The following PTCHD4 variants were observed in gnomAD, a reference collection of about 807,000 sequenced individuals.
The protein encoded by PTCHD4 is patched domain containing 4, also known as patched domain-containing protein 4.
PTCHD4 carries 33 observed loss-of-function variants against 58.1 expected under a neutral mutation model. The ratio of observed to expected loss-of-function variants is 0.57; its 90% CI spans 0.43 to 0.76. The LOEUF (loss-of-function observed/expected upper bound fraction) is 0.76. Among genes scored for constraint, PTCHD4 ranks in the 30% least tolerant of loss-of-function variants. The pLI is 0.00. For synonymous variants in PTCHD4, 478 were observed against 409.6 expected (o/e 1.17, Z -2.02); for missense variants, 1,058 against 1,027.1 (o/e 1.03, Z -0.41).
chr6:47,923,839 A>G (rs1449047065), intron 4 of PTCHD4, among the ~76,000 whole-genome samples: 6 of 152,174 alleles, frequency 3.9e-5, no homozygotes, highest in Non-Finnish European at 7.4e-5. Flanking sequence ...CAGGTGAATG[A>G]CGAATGTCAC....
intron 4 of PTCHD4, among the ~76,000 whole-genome samples, chr6:47,961,232 A>T (rs1402012774): frequency 6.6e-6 from 1 of 152,132 alleles, no homozygotes; most frequent in Non-Finnish European, 1.5e-5. Context: ...GTACTTTTAA[A>T]TAATATACTT....
intron 4 of PTCHD4, among the ~76,000 whole-genome samples, chr6:47,894,713 T>G (rs1176774080): frequency 1.3e-5 from 2 of 152,240 alleles, no homozygotes; most frequent in Non-Finnish European, 2.9e-5. Flanking sequence ...AGAAATGAAG[T>G]CAATCATGAT....
At chr6:47,994,256 G>GA (rs1421652223) in intron 4 of PTCHD4, among the ~76,000 whole-genome samples, 1 of 152,162 alleles carries the variant, frequency 6.6e-6, no homozygotes, top group Non-Finnish European at 1.5e-5. Flanking sequence ...AATGGAGAGG[G>GA]AAAACAGAGT....
chr6:48,012,964 A>C (rs1312271624), intron 3 of PTCHD4, among the ~76,000 whole-genome samples: 4 of 151,744 alleles, frequency 2.6e-5, no homozygotes, highest in Non-Finnish European at 5.9e-5. Context: ...GTGCTGCTGG[A>C]CTCGGTTTGG....
intron 4 of PTCHD4, among the ~76,000 whole-genome samples, chr6:47,950,127 G>A (rs1227376775): frequency 2.0e-5 from 3 of 148,966 alleles, no homozygotes; most frequent in Admixed American, 6.8e-5. Context: ...GAGAACATGC[G>A]GTGTTTGGTT....
At position 47,879,340 on chromosome 6, in the gene PTCHD4, C is replaced by T. The variant is rs1441439214; in HGVS notation, c.1495G>A (p.Val499Ile). The T allele has an allele frequency of 1.2e-6, 2 of 1,613,184 alleles. No individual in the cohort carries two copies. The highest frequency in any genetic ancestry group is 2.7e-5 in the African/African-American group (2 of 74,878). ...INLLASDSPS[V>I]SYAMVQQKYF... ...TTCTGCTGAACCATGGCATAGGAAA[C>T]ACTTGGCGAATCACTGGCTAGTAGA... Residue 499 changes from valine (V) to isoleucine (I), a missense_variant, in exon 5 of 5, where the codon GTT becomes ATT. By Grantham distance (29) the Val-to-Ile change is conservative. Transcript: ENST00000339488.
intron 4 of PTCHD4, among the ~76,000 whole-genome samples, chr6:47,967,726 T>G (rs1038457103): frequency 6.6e-6 from 1 of 152,220 alleles, no homozygotes; most frequent in African/African-American, 2.4e-5. Context: ...TTTTATGTTA[T>G]GGAAACATCT....
chr6:48,086,295 T>C (rs539165628), intron 1 of PTCHD4, among the ~76,000 whole-genome samples: 1 of 152,318 alleles, frequency 6.6e-6, no homozygotes, highest in Admixed American at 6.5e-5. Flanking sequence ...ACAAAATTAT[T>C]ATTCTTTTCT....
chr6:48,047,276 C>T (rs764607980), intron 3 of PTCHD4, among the ~76,000 whole-genome samples: 1 of 151,438 alleles, frequency 6.6e-6, no homozygotes, highest in Non-Finnish European at 1.5e-5. Context: ...ATTTATATAC[C>T]CCAAGAAAAT....
At chr6:48,035,962 C>G (rs1460202970) in intron 3 of PTCHD4, among the ~76,000 whole-genome samples, 1 of 152,090 alleles carries the variant, frequency 6.6e-6, no homozygotes, top group Non-Finnish European at 1.5e-5. Context: ...GCTCCCTGTA[C>G]TTACTAAGAT....
At chr6:47,989,354 A>G (rs1257111332) in intron 4 of PTCHD4, among the ~76,000 whole-genome samples, 2 of 152,220 alleles carry the variant, frequency 1.3e-5, no homozygotes, top group Non-Finnish European at 2.9e-5. Context: ...AGAGGAATTC[A>G]AGCCAGCTCT....
chr6:47,962,243 A>C (rs1159077510), intron 4 of PTCHD4, among the ~76,000 whole-genome samples: 3 of 152,166 alleles, frequency 2.0e-5, no homozygotes, highest in African/African-American at 7.2e-5. Flanking sequence ...ATTCTTGTTC[A>C]ATCTATATGG....
intron 3 of PTCHD4, among the ~76,000 whole-genome samples, chr6:48,022,070 G>T (rs765114496): frequency 3.3e-5 from 5 of 152,004 alleles, no homozygotes; most frequent in Non-Finnish European, 7.4e-5. Flanking sequence ...AAACAAAAGT[G>T]ACACCCTTGT....
At chr6:47,933,486 AAATATTT>A (rs1325866445) in intron 4 of PTCHD4, among the ~76,000 whole-genome samples, 6 of 152,244 alleles carry the variant, frequency 3.9e-5, no homozygotes, top group African/African-American at 1.4e-4. Flanking sequence ...AAGTGATTAT[AAATATTT>A]ATCCATCCTG....
intron 3 of PTCHD4, among the ~76,000 whole-genome samples, chr6:48,053,673 TTTTAAAG>T (rs1479546083): frequency 2.6e-5 from 4 of 152,186 alleles, no homozygotes; most frequent in Non-Finnish European, 5.9e-5. Flanking sequence ...CTAGTGTGCC[TTTTAAAG>T]TGTCTCCGGA....
At chr6:47,901,086 G>A (rs1220364121) in intron 4 of PTCHD4, 5 of 150,578 alleles carry the variant, frequency 3.3e-5, no homozygotes, top group East Asian at 1.9e-4. Flanking sequence ...CCTGGGAGGC[G>A]GAGCTTGCAG....
In PTCHD4 at chr6:48,068,250, G is replaced by T; in HGVS notation, c.397C>A (p.Arg133=). The change falls in exon 3 of 5, where the codon CGA becomes AGA. Residue 133 remains arginine, a synonymous_variant. Coordinates refer to ENST00000339488, the MANE Select transcript of PTCHD4 (RefSeq NM_001384253.1). This position sits in a 1 kb window ranked among gnomAD's most constrained non-coding sequence, Gnocchi z 4.2. ...TTCACCTTCATTTCCAGCACGGCTC[G>T]GTGGGTCTGCAGGATCCCCTCAGCC... ...LQAEGILQTH[R]AVLEMKDGRN... is the part of the protein sequence containing the mutation. 6.3e-7 allele frequency: 1 copy of T among 1,579,914 alleles called. No individual in the cohort carries two copies. The highest frequency in any genetic ancestry group is 1.4e-5 in the African/African-American group (1 of 74,058).
At chr6:47,901,657 C>T (rs1173557536) in intron 4 of PTCHD4, 2 of 1,141,854 alleles carry the variant, frequency 1.8e-6, no homozygotes, top group African/African-American at 1.6e-5. Context: ...AGCTGTTAAG[C>T]ACAGGGAGGA....
At position 47,878,283 on chromosome 6, in the gene PTCHD4, A is replaced by T. The variant is rs765324723; in HGVS notation, c.*20T>A. On this transcript the variant is annotated 3_prime_UTR_variant, in exon 5 of 5. Transcript: ENST00000339488. ...TTGTGCAATACTGGAAAAGAAAAAT[A>T]ATCCACTGGTCTATACCCCTCATAC... 1 of 1,538,112 alleles carries T rather than the reference A, an allele frequency of 6.5e-7. No homozygotes were observed. Among genetic ancestry groups the T allele is most frequent in the South Asian group, 1.3e-5 (1 of 76,610 alleles).
Sources: allele counts gnomAD v4.1 joint callset (sites outside exome capture counted in the v4.1 genomes callset), GRCh38; gene constraint gnomAD v4.1.1; non-coding constraint Gnocchi (gnomAD v3.1); transcripts MANE v1.5; gene names NCBI Gene and HGNC (gene_info 2026-07-23, HGNC 2026-07-21).